The following HDX variants were observed in gnomAD, a reference collection of about 807,000 sequenced individuals.
The protein encoded by HDX is chromosome X open reading frame 43.
Under a neutral mutation model 45.2 loss-of-function variants are expected in HDX, and 19 were observed. That is an observed-to-expected ratio of 0.42 (90% CI 0.29 to 0.62). The LOEUF (loss-of-function observed/expected upper bound fraction) is 0.62. Among genes scored for constraint, HDX ranks in the 20% least tolerant of loss-of-function variants. The pLI is 0.20. For missense variants in HDX, 532 were observed against 493.9 expected (o/e 1.08, Z -0.73); for synonymous variants, 188 against 172.8 (o/e 1.09, Z -0.69).
chrX:84,339,169 T>C (rs2037030084), intron 7 of HDX, among the ~76,000 whole-genome samples: 2 of 111,713 alleles, frequency 1.8e-5, no homozygotes. Flanking sequence ...CTCACTTATA[T>C]GTGGAATCTT....
At chrX:84,335,926 A>C (rs1449072592) in intron 8 of HDX, among the ~76,000 whole-genome samples, 1 of 111,021 alleles carries the variant, frequency 9.0e-6, no homozygotes, top group Non-Finnish European at 1.9e-5. Flanking sequence ...GACATGTGGC[A>C]GGACTACAGT....
Position 84,318,716 on chromosome X carries a change from G to A in HDX, c.*3173C>T, listed in dbSNP as rs1019976767. 1 of 111,246 alleles carries A rather than the reference G, an allele frequency of 9.0e-6. No homozygotes were observed. Among genetic ancestry groups the A allele is most frequent in the East Asian group, 2.8e-4 (1 of 3,572 alleles). The allele number at this position is 111,246 out of a possible 1,213,427, so 9.2% of individuals were successfully genotyped here. ...CTGTCTTTGGAGAAATGGCTTCTTT[G>A]ACATCTTTTGAGGTCTTGGTCGAAT... On this transcript the variant is annotated 3_prime_UTR_variant, in exon 11 of 11. Transcript: ENST00000373177.
At chrX:84,350,629 G>A (rs984419512) in intron 6 of HDX, among the ~76,000 whole-genome samples, 7 of 111,093 alleles carry the variant, frequency 6.3e-5, no homozygotes, top group African/African-American at 2.0e-4. Context: ...TACTTTATCC[G>A]ATATTATTGT....
chrX:84,335,986 C>T (rs1420144123), intron 8 of HDX, among the ~76,000 whole-genome samples: 1 of 110,363 alleles, frequency 9.1e-6, no homozygotes, highest in Non-Finnish European at 1.9e-5. Context: ...CCTAAAGTCA[C>T]AGCCCTTTTG....
At chrX:84,434,569 G>C (rs2039580153) in intron 5 of HDX, among the ~76,000 whole-genome samples, 1 of 110,852 alleles carries the variant, frequency 9.0e-6, no homozygotes, top group African/African-American at 3.3e-5. Context: ...GATTAATTTT[G>C]CTAGTTTTTT....
In HDX at chrX:84,405,714, GT is replaced by G. The variant is rs749951973; in HGVS notation, c.1305+34817del. Among the ~76,000 whole-genome samples the G allele has an allele frequency of 1.5e-3, 156 of 100,851 alleles. 1 individual carries two copies. Among genetic ancestry groups the G allele is most frequent in the African/African-American group, 5.1e-3 (141 of 27,633 alleles). The allele number at this position is 100,851 out of a possible 115,157, so 87.6% of individuals were successfully genotyped here. A position where few individuals can be genotyped will look rare whatever the true frequency, so the allele number is the denominator to read the frequency against. On this transcript the variant is annotated intron_variant, in intron 5 of 10. Transcript: ENST00000373177. Reference sequence around the variant, plus strand: ...AAGTATTACGGAATGCTACTAATCTGTTATAACAAACTGTTTTTCTCTTCTT... The same window carrying G: ...AAGTATTACGGAATGCTACTAATCTGTATAACAAACTGTTTTTCTCTTCTT...
intron 3 of HDX, among the ~76,000 whole-genome samples, chrX:84,474,716 A>G (rs1210862719): frequency 1.8e-5 from 2 of 112,378 alleles, no homozygotes; most frequent in Non-Finnish European, 3.8e-5. Context: ...TCTGATTTTT[A>G]CTACTGAATA....
At chrX:84,331,074 T>C (rs2036833376) in intron 9 of HDX, among the ~76,000 whole-genome samples, 1 of 111,689 alleles carries the variant, frequency 9.0e-6, no homozygotes, top group African/African-American at 3.2e-5. Flanking sequence ...AGTTTCCACA[T>C]TGACCAGAGC....
chrX:84,342,884 A>C (rs1352111584), intron 7 of HDX, among the ~76,000 whole-genome samples: 1 of 111,558 alleles, frequency 9.0e-6, no homozygotes. Context: ...ACATCAGAAA[A>C]CATCATAAGC....
chrX:84,475,844 GA>G (rs1239440296), intron 2 of HDX, among the ~76,000 whole-genome samples: 2 of 111,305 alleles, frequency 1.8e-5, no homozygotes, highest in Non-Finnish European at 3.8e-5. Context: ...CTGTACTCTG[GA>G]ACAAAAGGGT....
At chrX:84,412,464 A>G (rs2039011029) in intron 5 of HDX, among the ~76,000 whole-genome samples, 1 of 111,492 alleles carries the variant, frequency 9.0e-6, no homozygotes, top group African/African-American at 3.3e-5. Flanking sequence ...AATTTTTTTT[A>G]ATTTTTCTAA....
intron 4 of HDX, among the ~76,000 whole-genome samples, chrX:84,451,096 A>T (rs1250361193): frequency 8.9e-6 from 1 of 111,941 alleles, no homozygotes; most frequent in Non-Finnish European, 1.9e-5. Context: ...ACAGAATTGT[A>T]TTAAATGAAT....
At chrX:84,418,228 G>T (rs755216969) in intron 5 of HDX, among the ~76,000 whole-genome samples, 27 of 111,606 alleles carry the variant, frequency 2.4e-4, no homozygotes, top group African/African-American at 8.8e-4. Flanking sequence ...TCAAATGAAC[G>T]AACTAAATCT....
Position 84,468,925 on chromosome X carries a change from A to T in HDX, c.798T>A (p.Phe266Leu). ...GGGGGTAATCGCTAACTGCCAATGA[A>T]AACACTTCACGGATTTCCAAGTTTT... ...RTQNLEIREV[F>L]SLAVSDYPQR... is the part of the protein sequence containing the mutation. The change falls in exon 4 of 11, where the codon TTT becomes TTA. Residue 266 changes from phenylalanine to leucine, a missense_variant. By Grantham distance (22) the Phe-to-Leu change is conservative (BLOSUM62 0). Transcript: ENST00000373177. The T allele has an allele frequency of 8.3e-7, 1 of 1,211,605 alleles. No homozygotes were observed. The highest frequency in any genetic ancestry group is 1.1e-6 in the Non-Finnish European group (1 of 895,363).
At chrX:84,342,278 T>A (rs1393688759) in intron 7 of HDX, among the ~76,000 whole-genome samples, 7 of 111,569 alleles carry the variant, frequency 6.3e-5, no homozygotes, top group Admixed American at 4.8e-4. Context: ...CCAAGAAAAA[T>A]CTTGAATGGA....
In HDX at chrX:84,469,354, G is replaced by A. The variant is rs769230567; in HGVS notation, c.369C>T (p.Asn123=). The A allele has an allele frequency of 2.2e-4, 262 of 1,208,900 alleles. 2 individuals carry two copies. The Admixed American group carries it at 5.6e-3, about 26-fold the overall frequency. ...CTGTAATTTGTGTGTCTGTATGTTT[G>A]TTTGTTCCTTGCCTACTTGATGAAC... ...PASSSSRQGT[N]KHTDTQITEA... The change falls in exon 4 of 11, where the codon AAC becomes AAT. Residue 123 remains asparagine (N), a synonymous_variant. Coordinates refer to ENST00000373177, the MANE Select transcript of HDX (RefSeq NM_001177479.2).
chrX:84,497,813 C>T (rs1243581400), intron 1 of HDX, among the ~76,000 whole-genome samples: 1 of 110,264 alleles, frequency 9.1e-6, no homozygotes, highest in Non-Finnish European at 1.9e-5. Context: ...TAACTTATAC[C>T]TGGTAGCTTA....
At chrX:84,370,841 C>T (rs1301989265) in intron 5 of HDX, among the ~76,000 whole-genome samples, 1 of 111,953 alleles carries the variant, frequency 8.9e-6, no homozygotes, top group Non-Finnish European at 1.9e-5. Context: ...TAAGGAATTC[C>T]CTTGAAAAAT....
chrX:84,388,975 AGT>A (rs2038381810), intron 5 of HDX, among the ~76,000 whole-genome samples: 1 of 111,545 alleles, frequency 9.0e-6, no homozygotes, highest in Non-Finnish European at 1.9e-5. Flanking sequence ...GAGTATAGTC[AGT>A]TGGCTTTCAT....
Sources: allele counts gnomAD v4.1 joint callset (sites outside exome capture counted in the v4.1 genomes callset), GRCh38; gene constraint gnomAD v4.1.1; transcripts MANE v1.5; gene names NCBI Gene and HGNC (gene_info 2026-07-23, HGNC 2026-07-21).